TBCD: variants seen among roughly 807,000 people sequenced by gnomAD.
TBCD encodes tubulin folding cofactor D.
A neutral mutation model predicts 169.3 loss-of-function variants in TBCD; 105 were observed. The ratio of observed to expected loss-of-function variants is 0.62; its 90% CI spans 0.53 to 0.73. The LOEUF is 0.73. Ranked by LOEUF, TBCD falls within the 30% of genes least tolerant of loss-of-function variation. The pLI, the probability that TBCD is intolerant of heterozygous loss-of-function variation, is 0.00. For synonymous variants in TBCD, 700 were observed against 643.9 expected, an observed-to-expected ratio of 1.09 and a Z score of -1.32; for missense variants, 1,444 against 1,600.1, an observed-to-expected ratio of 0.90 and a Z score of 1.66.
intron 2 of TBCD, among the ~76,000 whole-genome samples, chr17:82,763,301 G>T (rs1044755875): frequency 2.0e-5 from 3 of 152,186 alleles, no homozygotes; most frequent in Non-Finnish European, 1.5e-5. Flanking sequence ...ATCTCTGATG[G>T]TAATGCTTGT....
intron 7 of TBCD, among the ~76,000 whole-genome samples, chr17:82,796,999 CTG>C (rs1399723898): frequency 6.6e-6 from 1 of 152,220 alleles, no homozygotes; most frequent in Non-Finnish European, 1.5e-5. Flanking sequence ...CTCACCTTGA[CTG>C]TGAAATTCTG....
At position 82,929,423 on chromosome 17, in the gene TBCD, C is replaced by T; in HGVS notation, c.2914C>T (p.Leu972Phe). Residue 972 changes from leucine to phenylalanine, a missense_variant, in exon 32 of 39, where the codon CTC (leucine) becomes TTC (phenylalanine). Transcript: ENST00000355528. ...CCAGGCCTTCCCACGCATCACCCAG[C>T]TCCTTGGGCTGCCCACCTACCGCTA... ...PSQAFPRITQLLGLPTYRYHV... is the reference protein window; with the variant it reads ...PSQAFPRITQFLGLPTYRYHV... The T allele has an allele frequency of 1.2e-6, 2 of 1,612,726 alleles. No individual in the cohort carries two copies. The highest frequency in any genetic ancestry group is 2.2e-5 in the South Asian group (2 of 91,070).
chr17:82,837,686 C>T (rs2054107598), intron 13 of TBCD, among the ~76,000 whole-genome samples: 1 of 152,204 alleles, frequency 6.6e-6, no homozygotes, highest in Admixed American at 6.5e-5. Context: ...ACTGGATCGG[C>T]AGGAAGCGTT....
At chr17:82,776,604 C>T (rs549338500) in intron 6 of TBCD, among the ~76,000 whole-genome samples, 28 of 152,286 alleles carry the variant, frequency 1.8e-4, no homozygotes, top group Non-Finnish European at 2.8e-4. Context: ...ATGGCTCCGT[C>T]GTGTTCTGCT....
chr17:82,778,167 A>G (rs2048719241), intron 6 of TBCD, among the ~76,000 whole-genome samples: 1 of 152,230 alleles, frequency 6.6e-6, no homozygotes, highest in Non-Finnish European at 1.5e-5. Flanking sequence ...TGATATATAT[A>G]ATCATATCTA....
At chr17:82,849,710 A>T (rs1203039861) in intron 13 of TBCD, among the ~76,000 whole-genome samples, 1 of 152,260 alleles carries the variant, frequency 6.6e-6, no homozygotes, top group African/African-American at 2.4e-5. Flanking sequence ...CTGTGGTGCC[A>T]CACGGGTCCC....
rs772824320 is a variant in TBCD at position 82,930,279 on chromosome 17, G to T, written c.2992-243G>T. The T allele has an allele frequency of 1.9e-6, 1 of 532,304 alleles. No individual in the cohort carries two copies. Among genetic ancestry groups the T allele is most frequent in the African/African-American group, 1.9e-5 (1 of 51,666 alleles). 33.0% of individuals were successfully genotyped at this position (532,304 alleles called of 1,614,324 possible). ...GCAGCCTTTCGTCACGTGCTCTCCC[G>T]CATGTCCTAAGTGAGGGCTCAGGCT... On this transcript the variant is annotated intron_variant, in intron 32 of 38. Coordinates refer to ENST00000355528, the MANE Select transcript of TBCD (RefSeq NM_005993.5). This position sits in a 1 kb window ranked among gnomAD's most constrained non-coding sequence, Gnocchi z 5.2.
At chr17:82,797,947 GT>G in intron 8 of TBCD, 145 bp downstream of exon 8, 1 of 239,492 alleles carries the variant, frequency 4.2e-6, no homozygotes, top group Non-Finnish European at 7.2e-6. Flanking sequence ...TTTGTTGTGG[GT>G]TTTAGTAACT....
intron 28 of TBCD, chr17:82,926,955 G>T (rs1024458521): frequency 5.0e-6 from 3 of 600,848 alleles, no homozygotes; most frequent in African/African-American, 3.7e-5. Context: ...ACCAGCCGCA[G>T]GGGGCGTCCC....
intron 2 of TBCD, among the ~76,000 whole-genome samples, chr17:82,759,512 GT>G (rs562137744): frequency 9.5e-4 from 144 of 152,184 alleles, no homozygotes; most frequent in African/African-American, 2.7e-3. Context: ...TTTTTGCAGG[GT>G]CAGGGTCACG....
chr17:82,872,556 C>T (rs2057655873), intron 14 of TBCD, among the ~76,000 whole-genome samples: 1 of 152,270 alleles, frequency 6.6e-6, no homozygotes, highest in African/African-American at 2.4e-5. Flanking sequence ...TGTGTGTGAT[C>T]AGCCTCAGGA....
chr17:82,854,375 C>G (rs187498457), intron 13 of TBCD, among the ~76,000 whole-genome samples: 1 of 152,224 alleles, frequency 6.6e-6, no homozygotes, highest in Non-Finnish European at 1.5e-5. Flanking sequence ...CATGCAAGCA[C>G]GTCCACAAAG....
At chr17:82,814,399 G>C (rs566503316) in intron 12 of TBCD, among the ~76,000 whole-genome samples, 1 of 152,372 alleles carries the variant, frequency 6.6e-6, no homozygotes, top group South Asian at 2.1e-4. Context: ...CGGTCTCTTT[G>C]TTTGGGGACT....
Position 82,831,323 on chromosome 17 carries a change from C to T in TBCD, c.1318+16389C>T, listed in dbSNP as rs200817916. On this transcript the variant is annotated intron_variant, in intron 13 of 38. Transcript: ENST00000355528. The surrounding 1 kb of genome is among the most constrained non-coding windows in gnomAD (Gnocchi z 4.6). ...TCTTTAGCCTCAGGAATTGGACTTT[C>T]GAACTCGACGTGTTTTCTGTTGGGG... 29 of 1,613,998 alleles carry T rather than the reference C, an allele frequency of 1.8e-5. No individual in the cohort carries two copies. Among genetic ancestry groups the T allele is most frequent in the African/African-American group, 4.0e-5 (3 of 75,034 alleles).
At chr17:82,863,691 G>A (rs1286862340) in intron 13 of TBCD, among the ~76,000 whole-genome samples, 1 of 152,128 alleles carries the variant, frequency 6.6e-6, no homozygotes, top group Non-Finnish European at 1.5e-5. Flanking sequence ...GGAACTGGGC[G>A]CCTTCCCTGG....
chr17:82,926,835 C>G (rs940910544), intron 28 of TBCD: 49 of 495,874 alleles, frequency 9.9e-5, no homozygotes, highest in Non-Finnish European at 1.7e-4. Flanking sequence ...GCCATATGCC[C>G]TCTCCTCCCT....
intron 34 of TBCD, 61 bp downstream of exon 34, chr17:82,932,796 GA>G: frequency 6.5e-7 from 1 of 1,534,336 alleles, no homozygotes; most frequent in Non-Finnish European, 9.0e-7. Context: ...ATGTATTAAA[GA>G]AAAAGTCATC....
intron 8 of TBCD, among the ~76,000 whole-genome samples, chr17:82,799,238 A>G (rs974492930): frequency 5.9e-5 from 9 of 152,024 alleles, no homozygotes; most frequent in Admixed American, 5.9e-4. Flanking sequence ...AGGTCAGGAG[A>G]TCGAGACCAG....
intron 13 of TBCD, chr17:82,860,330 T>C (rs1385304555): frequency 6.8e-5 from 66 of 974,204 alleles, no homozygotes; most frequent in Non-Finnish European, 7.8e-5. Context: ...TCCCCTCCCC[T>C]CTGGTGGCCT....
Sources: gnomAD v4.1 joint callset for allele counts (sites outside exome capture counted in the v4.1 genomes callset) on GRCh38, gnomAD v4.1.1 for gene constraint, Gnocchi (gnomAD v3.1) non-coding constraint, MANE v1.5 for transcripts, NCBI Gene and HGNC (gene_info 2026-07-23, HGNC 2026-07-21) for gene names.